MAGI2: variants seen among roughly 807,000 people sequenced by gnomAD.
MAGI2 encodes the protein membrane associated guanylate kinase, WW and PDZ domain containing 2.
A neutral mutation model predicts 133.3 loss-of-function variants in MAGI2; 35 were observed. The ratio of observed to expected loss-of-function variants is 0.26; its 90% CI spans 0.20 to 0.35. The LOEUF (loss-of-function observed/expected upper bound fraction) is 0.35. Ranked by LOEUF, MAGI2 falls within the 10% of genes least tolerant of loss-of-function variation. The probability of loss-of-function intolerance (pLI) is 1.00; values close to 1 mark genes in which losing one functional copy is unlikely to be tolerated. For synonymous variants in MAGI2, 729 were observed against 710.6 expected, an observed-to-expected ratio of 1.03 and a Z score of -0.41; for missense variants, 1,636 against 1,863.4, an observed-to-expected ratio of 0.88 and a Z score of 2.25.
chr7:78,093,412 C>T lies in MAGI2; in HGVS notation c.3568-14327G>A, dbSNP rs534367128. The stretch of plus-strand genomic sequence containing the variant: ...GAAGTTGCAATGATCCGAGATCGTG[C>T]CACTGCACTCCAACCTGGGCAACAG... On this transcript the variant is annotated intron_variant, in intron 20 of 21. Coordinates refer to ENST00000354212, the MANE Select transcript of MAGI2 (RefSeq NM_012301.4). Among the ~76,000 whole-genome samples the T allele has an allele frequency of 5.1e-4, 78 of 152,078 alleles. 3 individuals are homozygous for T. In the South Asian group the frequency reaches 0.016, roughly 31 times the overall value.
At chr7:79,385,870 T>G (rs531933348) in intron 1 of MAGI2, among the ~76,000 whole-genome samples, 1 of 152,070 alleles carries the variant, frequency 6.6e-6, no homozygotes, top group African/African-American at 2.4e-5. Context: ...AACTGTGAGA[T>G]AGTAGATGTT....
chr7:78,405,828 A>C (rs929817455), intron 6 of MAGI2, among the ~76,000 whole-genome samples: 6 of 152,032 alleles, frequency 3.9e-5, no homozygotes, highest in African/African-American at 7.2e-5. Flanking sequence ...AAAGTCTATT[A>C]AGCACAATAA....
At chr7:79,045,564 A>G (rs973609094) in intron 1 of MAGI2, among the ~76,000 whole-genome samples, 2 of 152,152 alleles carry the variant, frequency 1.3e-5, no homozygotes, top group South Asian at 4.1e-4. Flanking sequence ...AGGCGGAGGC[A>G]GGCGGATCAC....
At chr7:78,904,213 A>G (rs1271184701) in intron 2 of MAGI2, 1 of 152,264 alleles carries the variant, frequency 6.6e-6, no homozygotes, top group Admixed American at 6.5e-5. Context: ...GGAGCGAAGG[A>G]TGCTAGAAGA....
intron 1 of MAGI2, among the ~76,000 whole-genome samples, chr7:79,348,438 C>T (rs17152361): frequency 0.31 from 47,070 of 151,570 alleles, 7,601 homozygotes; most frequent in Admixed American, 0.38. Context: ...TAGTACATAA[C>T]TATAGTTTGG....
chr7:78,769,795 T>C (rs983190098), intron 2 of MAGI2, among the ~76,000 whole-genome samples: 2 of 152,172 alleles, frequency 1.3e-5, no homozygotes, highest in African/African-American at 4.8e-5. Context: ...CCATTACAAA[T>C]GTGATTCCCT....
At chr7:79,005,684 C>T (rs1807365281) in intron 2 of MAGI2, among the ~76,000 whole-genome samples, 2 of 152,134 alleles carry the variant, frequency 1.3e-5, no homozygotes, top group African/African-American at 2.4e-5. Context: ...TCTTTCATGT[C>T]ACAAAAGATA....
chr7:78,397,092 C>G (rs1796414219), intron 6 of MAGI2, among the ~76,000 whole-genome samples: 1 of 151,898 alleles, frequency 6.6e-6, no homozygotes, highest in East Asian at 1.9e-4. Context: ...TAGCTGGCAA[C>G]AGAGTTTTCA....
intron 1 of MAGI2, among the ~76,000 whole-genome samples, chr7:79,419,863 A>AAT (rs1421081617): frequency 1.1e-4 from 16 of 151,868 alleles, no homozygotes; most frequent in Non-Finnish European, 1.5e-4. Flanking sequence ...AAAGACTCTA[A>AAT]ATAATTCCTA....
At chr7:78,629,741 C>A (rs2150960797) in intron 2 of MAGI2, among the ~76,000 whole-genome samples, 1 of 152,204 alleles carries the variant, frequency 6.6e-6, no homozygotes, top group East Asian at 1.9e-4. Context: ...CTCTTATATT[C>A]CCAACATTTT....
chr7:78,565,211 C>G (rs1188809244), intron 3 of MAGI2, among the ~76,000 whole-genome samples: 1 of 151,892 alleles, frequency 6.6e-6, no homozygotes, highest in East Asian at 1.9e-4. Context: ...CCTGTAATCC[C>G]AGCTACTCAG....
chr7:79,342,727 C>T (rs1463420720), intron 1 of MAGI2, among the ~76,000 whole-genome samples: 1 of 150,388 alleles, frequency 6.6e-6, no homozygotes, highest in African/African-American at 2.5e-5. Context: ...TATGAGGAAG[C>T]ACTTTATCTT....
intron 6 of MAGI2, among the ~76,000 whole-genome samples, chr7:78,425,722 A>G (rs1213602103): frequency 6.6e-6 from 1 of 152,224 alleles, no homozygotes; most frequent in Non-Finnish European, 1.5e-5. Flanking sequence ...TTCTTGGGCA[A>G]TAAAGGCATC....
intron 1 of MAGI2, among the ~76,000 whole-genome samples, chr7:79,215,604 T>C (rs576026952): frequency 2.6e-5 from 4 of 151,886 alleles, no homozygotes; most frequent in Non-Finnish European, 4.4e-5. Context: ...AATCAGAAAA[T>C]CTTTGAATAC....
chr7:79,128,041 A>G (rs1447425073), intron 1 of MAGI2, among the ~76,000 whole-genome samples: 2 of 152,272 alleles, frequency 1.3e-5, no homozygotes, highest in Admixed American at 6.5e-5. Context: ...TCCCAGCACC[A>G]TTTATTAAAT....
intron 2 of MAGI2, among the ~76,000 whole-genome samples, chr7:78,877,870 C>T (rs1795549289): frequency 6.6e-6 from 1 of 152,140 alleles, no homozygotes; most frequent in Admixed American, 6.5e-5. Context: ...TTTGAGCTGA[C>T]TTGCCTAAAA....
intron 21 of MAGI2, among the ~76,000 whole-genome samples, chr7:78,054,897 C>T (rs1812408394): frequency 6.6e-6 from 1 of 152,194 alleles, no homozygotes; most frequent in African/African-American, 2.4e-5. Flanking sequence ...AAGCGATCTT[C>T]CTACCTTGGC....
rs1248082133 is a variant in MAGI2 at position 78,195,657 on chromosome 7, C to T, written c.2080-594G>A. ...TCATTTACTGTGGATCTGGTGGTTC[C>T]TCCCCCAGAATGCTGCTACTGATGT... On this transcript the variant is annotated intron_variant, in intron 11 of 21. Transcript: ENST00000354212. Among the ~76,000 whole-genome samples, 7 of 152,168 alleles carry T rather than the reference C, an allele frequency of 4.6e-5. No homozygotes were observed. In the East Asian group the frequency reaches 1.3e-3, roughly 29 times the overall value.
At chr7:78,616,410 G>A (rs920227251) in intron 3 of MAGI2, 14 of 151,810 alleles carry the variant, frequency 9.2e-5, no homozygotes, top group Admixed American at 6.6e-5. Context: ...TTAATTCATA[G>A]GTAGTAAAAT....
Sources: gnomAD v4.1 joint callset for allele counts (sites outside exome capture counted in the v4.1 genomes callset) on GRCh38, gnomAD v4.1.1 for gene constraint, MANE v1.5 for transcripts, NCBI Gene and HGNC (gene_info 2026-07-23, HGNC 2026-07-21) for gene names.